PEX7: variants seen among roughly 807,000 people sequenced by gnomAD.
PEX7 encodes peroxisomal biogenesis factor 7.
PEX7 carries 34 observed loss-of-function variants against 47.5 expected under a neutral mutation model. The observed-to-expected ratio is 0.72, with a 90% CI of 0.54 to 0.95. The LOEUF (loss-of-function observed/expected upper bound fraction) is 0.95. Among genes scored for constraint, PEX7 ranks in the 40% least tolerant of loss-of-function variants. The pLI, the probability that PEX7 is intolerant of heterozygous loss-of-function variation, is 0.00. For synonymous variants in PEX7, 141 were observed against 148.8 expected (o/e 0.95, Z 0.38); for missense variants, 394 against 400.3 (o/e 0.98, Z 0.13).
intron 6 of PEX7, among the ~76,000 whole-genome samples, chr6:136,868,739 CT>C (rs1775119086): frequency 6.8e-6 from 1 of 146,404 alleles, no homozygotes; most frequent in African/African-American, 2.5e-5. Context: ...ACTGCAACTA[CT>C]TTTGCGCCAA....
intron 6 of PEX7, among the ~76,000 whole-genome samples, chr6:136,869,352 C>G (rs1376482773): frequency 2.0e-5 from 3 of 152,110 alleles, no homozygotes; most frequent in Non-Finnish European, 4.4e-5. Flanking sequence ...CACAATCCTC[C>G]TGCCTCACTC....
chr6:136,909,625 C>G (rs1398309642), intron 9 of PEX7, among the ~76,000 whole-genome samples: 1 of 152,110 alleles, frequency 6.6e-6, no homozygotes, highest in African/African-American at 2.4e-5. Flanking sequence ...TTATTGTTAG[C>G]TTGCTTAAAT....
chr6:136,832,441 T>C (rs1434269687), intron 3 of PEX7, among the ~76,000 whole-genome samples: 1 of 152,248 alleles, frequency 6.6e-6, no homozygotes, highest in Non-Finnish European at 1.5e-5. Flanking sequence ...ATGCCTTGGA[T>C]ACATTTTTCC....
At chr6:136,872,892 C>A (rs528051506) in intron 8 of PEX7, among the ~76,000 whole-genome samples, 1 of 152,224 alleles carries the variant, frequency 6.6e-6, no homozygotes, top group Non-Finnish European at 1.5e-5. Flanking sequence ...AATTGCAAAG[C>A]CATACCTTTG....
intron 9 of PEX7, among the ~76,000 whole-genome samples, chr6:136,904,037 A>G (rs1395444889): frequency 1.3e-5 from 2 of 152,166 alleles, no homozygotes; most frequent in African/African-American, 4.8e-5. Context: ...CTTCGATACC[A>G]GGTTTAATGG....
chr6:136,876,745 G>A (rs923618743), intron 8 of PEX7, among the ~76,000 whole-genome samples: 5 of 152,178 alleles, frequency 3.3e-5, no homozygotes, highest in Non-Finnish European at 5.9e-5. Flanking sequence ...TCATTGATGG[G>A]CATTTGGGTT....
At chr6:136,875,410 A>T (rs1191958072) in intron 8 of PEX7, among the ~76,000 whole-genome samples, 1 of 152,096 alleles carries the variant, frequency 6.6e-6, no homozygotes, top group Non-Finnish European at 1.5e-5. Context: ...TTCTTCCAAG[A>T]GGTGTATAAT....
chr6:136,855,635 C>T (rs767650327), intron 5 of PEX7: 60 of 256,870 alleles, frequency 2.3e-4, no homozygotes, highest in Non-Finnish European at 2.7e-4. Flanking sequence ...CCACCGTGCC[C>T]GGCCTATTTA....
intron 5 of PEX7, among the ~76,000 whole-genome samples, chr6:136,858,372 C>T (rs186492790): frequency 2.6e-5 from 4 of 152,126 alleles, no homozygotes; most frequent in African/African-American, 9.7e-5. Flanking sequence ...ACAGTTAGTG[C>T]TTATCTAAGA....
intron 3 of PEX7, among the ~76,000 whole-genome samples, chr6:136,835,574 A>G (rs1035891341): frequency 6.6e-6 from 1 of 152,166 alleles, no homozygotes; most frequent in African/African-American, 2.4e-5. Flanking sequence ...GGCGTGAGCC[A>G]CTGCATCCAG....
chr6:136,873,267 A>G (rs186820760), intron 8 of PEX7, among the ~76,000 whole-genome samples: 177 of 152,290 alleles, frequency 1.2e-3, no homozygotes, highest in African/African-American at 3.4e-3. Flanking sequence ...TGGATGTGCT[A>G]TAGTTTATTT....
chr6:136,906,492 G>A (rs1324960461), intron 9 of PEX7, among the ~76,000 whole-genome samples: 1 of 152,052 alleles, frequency 6.6e-6, no homozygotes, highest in Non-Finnish European at 1.5e-5. Flanking sequence ...GTATGTGTGT[G>A]TGTGCATGTG....
chr6:136,830,049 T>TG, intron 3 of PEX7: 1 of 716,130 alleles, frequency 1.4e-6, no homozygotes. Context: ...GAGCAACTAA[T>TG]GGGTCATTTT....
At chr6:136,904,632 C>A (rs1188168606) in intron 9 of PEX7, among the ~76,000 whole-genome samples, 1 of 129,608 alleles carries the variant, frequency 7.7e-6, no homozygotes, top group Non-Finnish European at 1.7e-5. Context: ...CCTGCACAAG[C>A]TTTTTTTTTT....
At chr6:136,868,985 A>G (rs944132570) in intron 6 of PEX7, among the ~76,000 whole-genome samples, 8 of 152,236 alleles carry the variant, frequency 5.3e-5, no homozygotes, top group African/African-American at 1.9e-4. Flanking sequence ...GATTTAGAGA[A>G]CATGGAAAAA....
intron 3 of PEX7, among the ~76,000 whole-genome samples, chr6:136,827,888 C>T (rs769245197): frequency 3.3e-5 from 5 of 151,710 alleles, no homozygotes; most frequent in Admixed American, 6.6e-5. Flanking sequence ...GATGGAGTTT[C>T]GCTATGTTGC....
chr6:136,886,282 AT>A (rs1775466858), intron 8 of PEX7, among the ~76,000 whole-genome samples: 1 of 152,302 alleles, frequency 6.6e-6, no homozygotes, highest in East Asian at 1.9e-4. Context: ...CGTTCTATAG[AT>A]TAGACATCTA....
In PEX7 at chr6:136,822,657, G is replaced by A; in HGVS notation, c.-9G>A. On this transcript the variant is annotated 5_prime_UTR_variant, in exon 1 of 10. Coordinates refer to ENST00000318471, the MANE Select transcript of PEX7 (RefSeq NM_000288.4). Reference sequence around the variant, plus strand: ...GCCGGGGCAGCGAGGGCCGGGGGCGGCGGGCGGGATGAGTGCGGTGTGCGG... The same window carrying A: ...GCCGGGGCAGCGAGGGCCGGGGGCGACGGGCGGGATGAGTGCGGTGTGCGG... 2 of 1,526,136 alleles carry A rather than the reference G, an allele frequency of 1.3e-6. No homozygotes were observed. The highest frequency in any genetic ancestry group is 8.8e-7 in the Non-Finnish European group (1 of 1,142,126). The allele number at this position is 1,526,136 out of a possible 1,614,324, so 94.5% of individuals were successfully genotyped here.
intron 8 of PEX7, among the ~76,000 whole-genome samples, chr6:136,890,953 T>C (rs997788394): frequency 1.1e-4 from 16 of 152,240 alleles, no homozygotes; most frequent in African/African-American, 3.9e-4. Flanking sequence ...TGAGTAGAGT[T>C]CTTCCAGTTT....
Sources: gnomAD v4.1 joint callset for allele counts (sites outside exome capture counted in the v4.1 genomes callset) on GRCh38, gnomAD v4.1.1 for gene constraint, MANE v1.5 for transcripts, NCBI Gene and HGNC (gene_info 2026-07-23, HGNC 2026-07-21) for gene names.